ADSL: variants seen among roughly 807,000 people sequenced by gnomAD.
The protein encoded by ADSL is adenylosuccinate lyase.
A neutral mutation model predicts 62.1 loss-of-function variants in ADSL; 44 were observed. That is an observed-to-expected ratio of 0.71 (90% CI 0.56 to 0.91). The LOEUF (loss-of-function observed/expected upper bound fraction) is 0.91, where lower values mean the gene tolerates loss of function less well. Among genes scored for constraint, ADSL ranks in the 40% least tolerant of loss-of-function variants. The pLI is 0.00. For synonymous variants in ADSL, 198 were observed against 220.5 expected (o/e 0.90, Z 0.90); for missense variants, 531 against 627.4 (o/e 0.85, Z 1.64).
At chr22:40,380,130 G>A (rs374129150) in intron 2 of ADSL, among the ~76,000 whole-genome samples, 195 of 152,224 alleles carry the variant, frequency 1.3e-3, no homozygotes, top group African/African-American at 3.3e-3. Context: ...AGTCCTGAGA[G>A]GCAGTATAAA....
chr22:40,374,037 C>A (rs2046086914), downstream of ADSL, among the ~76,000 whole-genome samples: 1 of 152,088 alleles, frequency 6.6e-6, no homozygotes, highest in South Asian at 2.1e-4. Context: ...CAAGCTCTGC[C>A]TCCCGGGTTT....
intron 10 of ADSL, among the ~76,000 whole-genome samples, chr22:40,363,970 G>C (rs963197735): frequency 3.3e-5 from 5 of 151,950 alleles, no homozygotes; most frequent in Non-Finnish European, 7.4e-5. Context: ...CCAGCTACTC[G>C]GGAGGCTGAG....
At chr22:40,366,025 T>C (rs1412626531) in intron 12 of ADSL, among the ~76,000 whole-genome samples, 1 of 151,964 alleles carries the variant, frequency 6.6e-6, no homozygotes, top group Non-Finnish European at 1.5e-5. Context: ...ATAAGGAGGC[T>C]ACTGCAACGG....
intron 2 of ADSL, among the ~76,000 whole-genome samples, chr22:40,386,202 CT>C (rs1197594800): frequency 2.0e-5 from 3 of 152,024 alleles, no homozygotes; most frequent in African/African-American, 4.8e-5. Flanking sequence ...TTAAATGGGG[CT>C]AGATGAGGCA....
chr22:40,370,955 A>C (rs1385868024), downstream of ADSL, among the ~76,000 whole-genome samples: 1 of 152,128 alleles, frequency 6.6e-6, no homozygotes, highest in African/African-American at 2.4e-5. Context: ...AGGCCACCTC[A>C]GGTGTTCGGG....
intron 2 of ADSL, among the ~76,000 whole-genome samples, chr22:40,377,054 A>G (rs933196927): frequency 2.0e-5 from 3 of 152,304 alleles, no homozygotes; most frequent in East Asian, 1.9e-4. Context: ...TTGCTCCTCC[A>G]TATCTAGATC....
At chr22:40,375,482 A>G (rs1478954661) in intron 2 of ADSL, among the ~76,000 whole-genome samples, 1 of 151,974 alleles carries the variant, frequency 6.6e-6, no homozygotes, top group Non-Finnish European at 1.5e-5. Context: ...CGGGAGGCTG[A>G]GGCAGGAGAA....
chr22:40,387,361 T>G (rs1056160274), intron 2 of ADSL: 2 of 394,050 alleles, frequency 5.1e-6, no homozygotes, highest in Non-Finnish European at 8.9e-6. Flanking sequence ...ATGAAACATT[T>G]CCGGTAATTA....
intron 2 of ADSL, among the ~76,000 whole-genome samples, chr22:40,375,580 CA>C (rs5845459): frequency 0.035 from 3,541 of 101,172 alleles, 116 homozygotes; most frequent in African/African-American, 0.11. Flanking sequence ...AACTCTGTCT[CA>C]AAAAAAAAAA....
chr22:40,366,263 A>G (rs2045001913), intron 12 of ADSL, among the ~76,000 whole-genome samples, 173 bp from the exon 13 acceptor site: 1 of 152,208 alleles, frequency 6.6e-6, no homozygotes, highest in Admixed American at 6.5e-5. Context: ...TGGTGGTTGA[A>G]TCATCTGTGT....
intron 1 of ADSL, among the ~76,000 whole-genome samples, chr22:40,347,001 G>A (rs2044168713): frequency 6.6e-6 from 1 of 152,244 alleles, no homozygotes; most frequent in Non-Finnish European, 1.5e-5. Flanking sequence ...CATCCCCGCA[G>A]GAGTACGCTG....
chr22:40,365,080 T>G (rs1287091101), intron 12 of ADSL, 24 bp downstream of exon 12: 3 of 1,603,722 alleles, frequency 1.9e-6, no homozygotes, highest in Non-Finnish European at 2.6e-6. Flanking sequence ...AAGCCTCTTT[T>G]CTGCTGGGCT....
At chr22:40,353,276 C>G (rs1158653231) in intron 3 of ADSL, 159 bp downstream of exon 3, 2 of 711,902 alleles carry the variant, frequency 2.8e-6, no homozygotes, top group Non-Finnish European at 5.1e-6. Context: ...CTAATTGTTT[C>G]TTCTTCTCCT....
chr22:40,360,334 T>C, intron 6 of ADSL, 68 bp from the exon 7 acceptor site: 2 of 1,349,728 alleles, frequency 1.5e-6, no homozygotes, highest in Non-Finnish European at 2.1e-6. Flanking sequence ...TAGCTGGGAC[T>C]ACAGTCATGC....
chr22:40,357,115 C>T (rs971423467), intron 4 of ADSL, among the ~76,000 whole-genome samples: 16 of 152,090 alleles, frequency 1.1e-4, no homozygotes, highest in Admixed American at 6.6e-4. Context: ...AGGCTGGTCT[C>T]AAACTCCTGG....
chr22:40,364,657 G>A (rs1369239858), intron 11 of ADSL: 1 of 634,556 alleles, frequency 1.6e-6, no homozygotes, highest in East Asian at 2.8e-5. Context: ...AGGCTTTACA[G>A]AAGAGGGCCA....
downstream of ADSL, chr22:40,373,630 T>C (rs968859301): frequency 6.6e-6 from 1 of 152,270 alleles, no homozygotes; most frequent in Non-Finnish European, 1.5e-5. Context: ...TGTTTTTGTT[T>C]TTTTGAGACA....
chr22:40,364,800 TG>T, intron 11 of ADSL, 79 bp from the exon 12 acceptor site: 1 of 1,449,228 alleles, frequency 6.9e-7, no homozygotes, highest in East Asian at 2.3e-5. Context: ...ACTGCATGGA[TG>T]GGAAGTATCT....
At chr22:40,360,829 C>T (rs62239073) in intron 7 of ADSL, among the ~76,000 whole-genome samples, 4,476 of 151,540 alleles carry the variant, frequency 0.03, 97 homozygotes, top group Middle Eastern at 0.1. Flanking sequence ...TTCGAGCGAG[C>T]CTCCCAAGTA....
Sources: allele counts gnomAD v4.1 joint callset (sites outside exome capture counted in the v4.1 genomes callset), GRCh38; gene constraint gnomAD v4.1.1; transcripts MANE v1.5; gene names NCBI Gene and HGNC (gene_info 2026-07-23, HGNC 2026-07-21).